Variants in ZDHHC21 observed in about 807,000 individuals in gnomAD.
The protein encoded by ZDHHC21 is zDHHC palmitoyltransferase 21, also known as palmitoyltransferase ZDHHC21.
A neutral mutation model predicts 34.6 loss-of-function variants in ZDHHC21; 15 were observed. The ratio of observed to expected loss-of-function variants is 0.43; its 90% confidence interval spans 0.29 to 0.67. ZDHHC21 has a LOEUF of 0.67. Among genes scored for constraint, ZDHHC21 ranks in the 30% least tolerant of loss-of-function variants. The pLI is 0.14. For synonymous variants in ZDHHC21, 142 were observed against 101.8 expected (o/e 1.40, Z -2.38); for missense variants, 344 against 327.7 (o/e 1.05, Z -0.38).
chr9:14,617,895 T>G lies in ZDHHC21; in HGVS notation c.*1071A>C, dbSNP rs571685552. ...AGGGATTATAGGTACACAAAGTTAGTGACTTTTTTTAGTAGTAGCTTCCTA... is the reference window on the plus strand; with the variant it reads ...AGGGATTATAGGTACACAAAGTTAGGGACTTTTTTTAGTAGTAGCTTCCTA... On this transcript the variant is annotated 3_prime_UTR_variant, in exon 10 of 10. Transcript: ENST00000380916. 1 of 152,120 alleles carries G rather than the reference T, an allele frequency of 6.6e-6. No homozygotes were observed. Among genetic ancestry groups the G allele is most frequent in the South Asian group, 2.1e-4 (1 of 4,818 alleles). The allele number at this position is 152,120 out of a possible 1,614,324, so 9.4% of individuals were successfully genotyped here.
intron 8 of ZDHHC21, among the ~76,000 whole-genome samples, chr9:14,636,162 C>T (rs10961629): frequency 0.02 from 3,002 of 152,074 alleles, 35 homozygotes; most frequent in Non-Finnish European, 0.033. Context: ...CAATATGCTG[C>T]CTACAAAACA....
chr9:14,683,967 T>C lies in ZDHHC21; in HGVS notation c.-175-3805A>G, dbSNP rs146226169. Among the ~76,000 whole-genome samples, 1,340 of 152,312 alleles carry C rather than the reference T, an allele frequency of 8.8e-3. 6 individuals are homozygous for C. Among genetic ancestry groups the C allele is most frequent in the South Asian group, 0.021 (101 of 4,826 alleles). On this transcript the variant is annotated intron_variant, in intron 2 of 9. Transcript: ENST00000380916. ...GACAAAAACCACACGGTTATCTCAA[T>C]AGATGCAGAAAAGGCCTTTGACAAA...
At position 14,612,433 on chromosome 9, in the gene ZDHHC21, C is replaced by A. The variant is rs1823458312; in HGVS notation, c.*6533G>T. 6.6e-6 allele frequency: 1 copy of A among 151,892 alleles called. No homozygotes were observed. The highest frequency in any genetic ancestry group is 2.1e-4 in the South Asian group (1 of 4,834). The allele number at this position is 151,892 out of a possible 1,614,324, so 9.4% of individuals were successfully genotyped here. On this transcript the variant is annotated 3_prime_UTR_variant, in exon 10 of 10. Transcript: ENST00000380916. ...ATTTTAAAGGGAAAAATCTGGAACC[C>A]AAATAATATACATAGCAGCATTACA...
chr9:14,688,595 C>T (rs373816967), intron 2 of ZDHHC21, among the ~76,000 whole-genome samples: 5 of 152,094 alleles, frequency 3.3e-5, no homozygotes, highest in Middle Eastern at 3.4e-3. Flanking sequence ...GGCACAGTGG[C>T]TCATGCCTGT....
At chr9:14,632,408 A>T (rs1287961370) in intron 8 of ZDHHC21, among the ~76,000 whole-genome samples, 1 of 152,044 alleles carries the variant, frequency 6.6e-6, no homozygotes, top group Non-Finnish European at 1.5e-5. Flanking sequence ...TAAAAGAATA[A>T]AGATGGACCC....
intron 7 of ZDHHC21, among the ~76,000 whole-genome samples, chr9:14,640,978 T>C (rs1430723345): frequency 6.6e-6 from 1 of 152,166 alleles, no homozygotes; most frequent in African/African-American, 2.4e-5. Flanking sequence ...CTGCTGTTGC[T>C]AAGCTGTGGA....
chr9:14,642,638 T>C (rs145313010), intron 7 of ZDHHC21, among the ~76,000 whole-genome samples: 5 of 152,260 alleles, frequency 3.3e-5, no homozygotes, highest in African/African-American at 9.6e-5. Flanking sequence ...AGAGACACCA[T>C]GGATGTTCCC....
chr9:14,637,729 T>C (rs1347776944), intron 8 of ZDHHC21, among the ~76,000 whole-genome samples: 1 of 151,928 alleles, frequency 6.6e-6, no homozygotes, highest in Non-Finnish European at 1.5e-5. Context: ...TCAGTAGCGT[T>C]TCTATACACC....
chr9:14,605,322 AC>A, the ZDHHC21 span, among the ~76,000 whole-genome samples: 1 of 152,004 alleles, frequency 6.6e-6, no homozygotes, highest in Admixed American at 6.6e-5. Context: ...ACCCCTAGTA[AC>A]AGTACATAAG....
At chr9:14,621,130 AAAC>A (rs1825230707) in intron 8 of ZDHHC21, among the ~76,000 whole-genome samples, 1 of 152,088 alleles carries the variant, frequency 6.6e-6, no homozygotes, top group Non-Finnish European at 1.5e-5. Flanking sequence ...AAAGCAATTA[AAAC>A]AACTTACACA....
At position 14,611,304 on chromosome 9, in the gene ZDHHC21, A is replaced by G. The variant is rs1300205418; in HGVS notation, c.*7662T>C. 6.6e-6 allele frequency: 1 copy of G among 151,962 alleles called. No homozygotes were observed. Among genetic ancestry groups the G allele is most frequent in the Non-Finnish European group, 1.5e-5 (1 of 67,920 alleles). The allele number at this position is 151,962 out of a possible 1,614,324, so 9.4% of individuals were successfully genotyped here. A position where few individuals can be genotyped will look rare whatever the true frequency, so the allele number is the denominator to read the frequency against. On this transcript the variant is annotated 3_prime_UTR_variant, in exon 10 of 10. Coordinates refer to ENST00000380916, the MANE Select transcript of ZDHHC21 (RefSeq NM_178566.6). ...GAACCAGTGTAGACTTTTCATCTAA[A>G]CAAATACATCTCAGCTACATGGTTC...
intron 2 of ZDHHC21, among the ~76,000 whole-genome samples, chr9:14,682,571 G>C (rs1315953449): frequency 6.6e-6 from 1 of 152,142 alleles, no homozygotes; most frequent in Non-Finnish European, 1.5e-5. Context: ...AGAGACTTAA[G>C]ACTCCCACAC....
At chr9:14,603,240 T>C in the ZDHHC21 span, among the ~76,000 whole-genome samples, 5 of 152,166 alleles carry the variant, frequency 3.3e-5, no homozygotes, top group Middle Eastern at 3.4e-3. Context: ...CAGAAAATAA[T>C]GTATTAAACT....
At chr9:14,639,060 C>G (rs531109467) in intron 8 of ZDHHC21, among the ~76,000 whole-genome samples, 1 of 151,932 alleles carries the variant, frequency 6.6e-6, no homozygotes, top group Admixed American at 6.6e-5. Context: ...TGCACTTGCA[C>G]GTTTATCACA....
intron 5 of ZDHHC21, among the ~76,000 whole-genome samples, chr9:14,668,490 G>T (rs1834887858): frequency 1.3e-5 from 1 of 78,760 alleles, no homozygotes; most frequent in Non-Finnish European, 2.5e-5. Context: ...TCACAGAATT[G>T]GAAAGAACTA....
chr9:14,638,315 T>C (rs1445813113), intron 8 of ZDHHC21, among the ~76,000 whole-genome samples: 1 of 152,034 alleles, frequency 6.6e-6, no homozygotes, highest in Non-Finnish European at 1.5e-5. Flanking sequence ...TGAGAAGTGC[T>C]GGGAAAATTG....
intron 8 of ZDHHC21, among the ~76,000 whole-genome samples, chr9:14,634,531 A>G (rs1161818321): frequency 6.6e-6 from 1 of 152,104 alleles, no homozygotes; most frequent in African/African-American, 2.4e-5. Flanking sequence ...AAATTTCACC[A>G]CAACATCCAC....
At chr9:14,643,212 C>A (rs1209980301) in intron 7 of ZDHHC21, among the ~76,000 whole-genome samples, 1 of 152,154 alleles carries the variant, frequency 6.6e-6, no homozygotes, top group African/African-American at 2.4e-5. Flanking sequence ...CGTGCCACTG[C>A]ACTCCAGCCT....
At chr9:14,655,145 C>A (rs1831952360) in intron 7 of ZDHHC21, among the ~76,000 whole-genome samples, 1 of 152,054 alleles carries the variant, frequency 6.6e-6, no homozygotes, top group Middle Eastern at 3.4e-3. Flanking sequence ...ATTGGAGTAA[C>A]AGTAAGACCA....
Sources: gnomAD v4.1 joint callset for allele counts (sites outside exome capture counted in the v4.1 genomes callset) on GRCh38, gnomAD v4.1.1 for gene constraint, MANE v1.5 for transcripts, NCBI Gene and HGNC (gene_info 2026-07-23, HGNC 2026-07-21) for gene names.